Variants in RBFOX1 observed in about 807,000 individuals in gnomAD.
The protein encoded by RBFOX1 is RNA binding fox-1 homolog 1.
RBFOX1 carries 8 observed loss-of-function variants against 57.7 expected under a neutral mutation model. The observed-to-expected ratio is 0.14, with a 90% CI of 0.08 to 0.25. The LOEUF (loss-of-function observed/expected upper bound fraction) is 0.25, where lower values mean the gene tolerates loss of function less well. Ranked by LOEUF, RBFOX1 falls within the 10% of genes least tolerant of loss-of-function variation. The probability of loss-of-function intolerance (pLI) is 1.00; values close to 1 mark genes in which losing one functional copy is unlikely to be tolerated. For missense variants in RBFOX1, 611 were observed against 548.5 expected (o/e 1.11, Z -1.14); for synonymous variants, 326 against 222.4 (o/e 1.47, Z -4.15).
chr16:6,696,636 C>T (rs1360765191), intron 3 of RBFOX1, among the ~76,000 whole-genome samples: 1 of 151,932 alleles, frequency 6.6e-6, no homozygotes, highest in African/African-American at 2.4e-5. Flanking sequence ...TACTATATTC[C>T]CTTCTGCTAT....
intron 4 of RBFOX1, among the ~76,000 whole-genome samples, chr16:7,246,166 G>A (rs1226726221): frequency 6.6e-6 from 1 of 152,166 alleles, no homozygotes; most frequent in African/African-American, 2.4e-5. Flanking sequence ...GTTTGCTGAA[G>A]CCAAGACTAA....
chr16:5,319,125 TCAAA>T (rs112510210), intron 1 of RBFOX1, among the ~76,000 whole-genome samples: 8,324 of 151,244 alleles, frequency 0.055, 711 homozygotes, highest in African/African-American at 0.19. Context: ...AGACTCTGTC[TCAAA>T]CAAACAAACA....
At chr16:5,939,653 G>C (rs2059240979) in intron 4 of RBFOX1, among the ~76,000 whole-genome samples, 1 of 152,076 alleles carries the variant, frequency 6.6e-6, no homozygotes, top group Non-Finnish European at 1.5e-5. Context: ...TTATTAGAGA[G>C]TCACTAAAGT....
intron 9 of RBFOX1, among the ~76,000 whole-genome samples, chr16:7,606,937 A>G (rs2095306517): frequency 6.6e-6 from 1 of 152,178 alleles, no homozygotes; most frequent in South Asian, 2.1e-4. Flanking sequence ...GTGATGGATT[A>G]TCTAGCAGTG....
intron 3 of RBFOX1, among the ~76,000 whole-genome samples, chr16:7,046,950 G>T (rs1460530476): frequency 6.6e-6 from 1 of 150,970 alleles, no homozygotes; most frequent in African/African-American, 2.4e-5. Context: ...AAATTAAAAA[G>T]CTCTTCATGC....
intron 3 of RBFOX1, among the ~76,000 whole-genome samples, chr16:5,664,472 G>A (rs904418897): frequency 1.1e-4 from 16 of 152,076 alleles, no homozygotes; most frequent in Admixed American, 2.6e-4. Context: ...AATTGAACCC[G>A]GGAGGCGGAG....
At chr16:7,165,651 A>C (rs937081713) in intron 4 of RBFOX1, among the ~76,000 whole-genome samples, 6 of 151,302 alleles carry the variant, frequency 4.0e-5, no homozygotes, top group Admixed American at 1.3e-4. Flanking sequence ...CTGGTCTCAA[A>C]CTCCCGATCT....
intron 4 of RBFOX1, among the ~76,000 whole-genome samples, chr16:5,887,412 T>A (rs565137797): frequency 6.6e-6 from 1 of 152,170 alleles, no homozygotes; most frequent in Non-Finnish European, 1.5e-5. Context: ...TTTGTTTGTT[T>A]GTTTTGTGAG....
chr16:6,434,814 T>A (rs1235804263), intron 2 of RBFOX1, among the ~76,000 whole-genome samples: 3 of 151,874 alleles, frequency 2.0e-5, no homozygotes, highest in Admixed American at 2.0e-4. Flanking sequence ...CAATGTATTC[T>A]TCTCTTCCAA....
chr16:7,067,077 G>C (rs1024952962), intron 4 of RBFOX1, among the ~76,000 whole-genome samples: 2 of 152,130 alleles, frequency 1.3e-5, no homozygotes, highest in African/African-American at 4.8e-5. Flanking sequence ...GACACACACA[G>C]AATCTATACC....
intron 12 of RBFOX1, among the ~76,000 whole-genome samples, chr16:7,658,808 T>G (rs1383520190): frequency 2.0e-5 from 3 of 152,064 alleles, no homozygotes; most frequent in Non-Finnish European, 1.5e-5. Flanking sequence ...CACTGCAACC[T>G]CCTCCTCCTG....
chr16:5,405,167 G>A (rs1224231871), intron 1 of RBFOX1, among the ~76,000 whole-genome samples: 1 of 152,184 alleles, frequency 6.6e-6, no homozygotes, highest in East Asian at 1.9e-4. Context: ...GCTGTGTGGT[G>A]TGCCCAGGGT....
At chr16:7,280,035 T>C (rs2095510838) in intron 4 of RBFOX1, among the ~76,000 whole-genome samples, 1 of 152,212 alleles carries the variant, frequency 6.6e-6, no homozygotes, top group Non-Finnish European at 1.5e-5. Flanking sequence ...CTGAAGGTGT[T>C]TGGTTCCCGC....
chr16:7,240,642 C>G (rs776760344), intron 4 of RBFOX1, among the ~76,000 whole-genome samples: 7 of 152,042 alleles, frequency 4.6e-5, no homozygotes, highest in Non-Finnish European at 1.0e-4. Flanking sequence ...GCAGCCTTGA[C>G]CTTCTGGGCT....
At chr16:5,962,046 G>A (rs552766431) in intron 4 of RBFOX1, among the ~76,000 whole-genome samples, 9 of 152,212 alleles carry the variant, frequency 5.9e-5, no homozygotes, top group African/African-American at 1.4e-4. Context: ...TCCTGTTCTC[G>A]TGGTACAAAA....
chr16:6,597,140 C>G (rs929985837), intron 2 of RBFOX1, among the ~76,000 whole-genome samples: 1 of 152,186 alleles, frequency 6.6e-6, no homozygotes, highest in Admixed American at 6.5e-5. Context: ...TTGACATCTA[C>G]TGTATAAAAT....
chr16:6,974,925 C>T (rs1325900636), intron 3 of RBFOX1, among the ~76,000 whole-genome samples: 2 of 152,108 alleles, frequency 1.3e-5, no homozygotes, highest in South Asian at 2.1e-4. Context: ...GACCCTCCCT[C>T]TTTTAAAACA....
At chr16:7,272,655 T>G (rs2095347187) in intron 4 of RBFOX1, among the ~76,000 whole-genome samples, 1 of 132,038 alleles carries the variant, frequency 7.6e-6, no homozygotes, top group Non-Finnish European at 1.6e-5. Context: ...AATTTTTACT[T>G]ATATCTGAGA....
At chr16:6,479,980 G>A (rs1371628005) in intron 2 of RBFOX1, among the ~76,000 whole-genome samples, 2 of 151,012 alleles carry the variant, frequency 1.3e-5, no homozygotes, top group Non-Finnish European at 2.9e-5. Context: ...AAACCCAGGG[G>A]CAGAGGTTGC....
Sources: allele counts gnomAD v4.1 joint callset (sites outside exome capture counted in the v4.1 genomes callset), GRCh38; gene constraint gnomAD v4.1.1; transcripts MANE v1.5; gene names NCBI Gene and HGNC (gene_info 2026-07-23, HGNC 2026-07-21).